Variants in TAFA1 observed in about 807,000 individuals in gnomAD.
TAFA1 encodes the protein TAFA chemokine like family member 1, also known as chemokine-like protein TAFA-1.
Under a neutral mutation model 18.5 loss-of-function variants are expected in TAFA1, and 4 were observed. The observed-to-expected ratio is 0.22, with a 90% CI of 0.11 to 0.49. TAFA1 has a LOEUF of 0.49. Ranked by LOEUF, TAFA1 falls within the 20% of genes least tolerant of loss-of-function variation. The probability of loss-of-function intolerance (pLI) is 0.98; values close to 1 mark genes in which losing one functional copy is unlikely to be tolerated. For missense variants in TAFA1, 147 were observed against 169.0 expected (o/e 0.87, Z 0.72); for synonymous variants, 56 against 55.2 (o/e 1.01, Z -0.06).
chr3:68,363,268 G>C (rs888283470), intron 2 of TAFA1, among the ~76,000 whole-genome samples: 2 of 152,106 alleles, frequency 1.3e-5, no homozygotes, highest in East Asian at 3.9e-4. Flanking sequence ...GAATGAATGA[G>C]AGCGGCACAC....
chr3:68,523,223 C>T (rs2073054611), intron 3 of TAFA1, among the ~76,000 whole-genome samples: 1 of 152,210 alleles, frequency 6.6e-6, no homozygotes, highest in South Asian at 2.1e-4. Context: ...AAACACTGCT[C>T]AGTTGTTTTT....
At chr3:68,022,850 ATAT>A (rs1704725744) in intron 2 of TAFA1, among the ~76,000 whole-genome samples, 1 of 143,432 alleles carries the variant, frequency 7.0e-6, no homozygotes, top group South Asian at 2.1e-4. Context: ...TATTATATAT[ATAT>A]ATATATAAAA....
chr3:68,468,967 T>G (rs2071940624), intron 3 of TAFA1, among the ~76,000 whole-genome samples: 1 of 152,146 alleles, frequency 6.6e-6, no homozygotes, highest in African/African-American at 2.4e-5. Flanking sequence ...TCAAAGTGGT[T>G]GGTTCATTGG....
chr3:68,303,030 T>C (rs1336879575), intron 2 of TAFA1, among the ~76,000 whole-genome samples: 4 of 152,170 alleles, frequency 2.6e-5, no homozygotes, highest in African/African-American at 9.7e-5. Context: ...GATGACTACA[T>C]ATTTTTTTCA....
chr3:68,253,123 C>G (rs184504675), intron 2 of TAFA1, among the ~76,000 whole-genome samples: 1 of 152,240 alleles, frequency 6.6e-6, no homozygotes, highest in East Asian at 1.9e-4. Context: ...CCGACTAATA[C>G]AGTAGGTAAT....
At chr3:68,091,173 A>G (rs777772786) in intron 2 of TAFA1, among the ~76,000 whole-genome samples, 19 of 152,226 alleles carry the variant, frequency 1.2e-4, no homozygotes, top group Non-Finnish European at 2.2e-4. Context: ...CTTTCTTTTC[A>G]TCACCAAGGA....
At chr3:68,519,817 C>T (rs544115191) in intron 3 of TAFA1, among the ~76,000 whole-genome samples, 1 of 152,302 alleles carries the variant, frequency 6.6e-6, no homozygotes, top group Admixed American at 6.5e-5. Context: ...CGAATTACCT[C>T]CCAAACACCC....
chr3:68,524,837 A>AT (rs1470913272), intron 3 of TAFA1, among the ~76,000 whole-genome samples: 1 of 151,644 alleles, frequency 6.6e-6, no homozygotes, highest in African/African-American at 2.4e-5. Flanking sequence ...CCCCCTGCTA[A>AT]TTTTTTTGTA....
chr3:68,524,431 G>T lies in TAFA1; in HGVS notation c.260-14325G>T, dbSNP rs906669009. On this transcript the variant is annotated intron_variant, in intron 3 of 4. Coordinates refer to ENST00000478136, the MANE Select transcript of TAFA1 (RefSeq NM_213609.4). ...AGGCAAAGTCAGTGCACAGAGGCAG[G>T]TGTAGAAGAGGAAGCATTTGTAATT... Among the ~76,000 whole-genome samples, 8 of 152,140 alleles carry T rather than the reference G, an allele frequency of 5.3e-5. No homozygotes were observed. In the East Asian group the frequency reaches 1.5e-3, roughly 29 times the overall value.
chr3:68,335,673 T>C (rs2068958524), intron 2 of TAFA1, among the ~76,000 whole-genome samples: 1 of 152,190 alleles, frequency 6.6e-6, no homozygotes. Context: ...TATAATCATA[T>C]CCCAACTTTG....
At position 68,530,690 on chromosome 3, in the gene TAFA1, G is replaced by A. The variant is rs1208521746; in HGVS notation, c.260-8066G>A. ...GCATCTACCTCACAAGTTTCTCATG[G>A]CTTCGAAAATGGTTCACTTGTGGGA... On this transcript the variant is annotated intron_variant, in intron 3 of 4. Coordinates refer to ENST00000478136, the MANE Select transcript of TAFA1 (RefSeq NM_213609.4). Among the ~76,000 whole-genome samples, 3 of 152,062 alleles carry A rather than the reference G, an allele frequency of 2.0e-5. No homozygotes were observed. The East Asian group carries it at 5.8e-4, about 29-fold the overall frequency.
intron 2 of TAFA1, among the ~76,000 whole-genome samples, chr3:68,071,096 T>C (rs2064749204): frequency 6.6e-6 from 1 of 152,232 alleles, no homozygotes. Flanking sequence ...CTGGTCCCAA[T>C]TTACTGTATT....
At chr3:68,001,091 G>A (rs1242082571), upstream of TAFA1, among the ~76,000 whole-genome samples, 2 of 152,118 alleles carry the variant, frequency 1.3e-5, no homozygotes, top group East Asian at 1.9e-4. Flanking sequence ...AAAAAAAAGA[G>A]ACTACTTTGT....
intron 3 of TAFA1, among the ~76,000 whole-genome samples, chr3:68,518,307 C>A (rs2072958597): frequency 1.3e-5 from 2 of 151,798 alleles, no homozygotes; most frequent in Admixed American, 1.3e-4. Flanking sequence ...TTTTTTGGCA[C>A]AGAGCCTGAT....
intron 2 of TAFA1, among the ~76,000 whole-genome samples, chr3:68,076,961 C>T (rs1290512817): frequency 6.6e-6 from 1 of 152,132 alleles, no homozygotes; most frequent in Admixed American, 6.5e-5. Flanking sequence ...ACATCCTCTC[C>T]AGCACCTGTT....
chr3:68,485,089 G>C (rs2072311938), intron 3 of TAFA1, among the ~76,000 whole-genome samples: 1 of 152,070 alleles, frequency 6.6e-6, no homozygotes, highest in Non-Finnish European at 1.5e-5. Flanking sequence ...GCAATGAAAA[G>C]GTTCATGGGT....
intron 2 of TAFA1, among the ~76,000 whole-genome samples, chr3:68,112,933 A>G (rs1559524913): frequency 6.6e-6 from 1 of 152,198 alleles, no homozygotes; most frequent in Non-Finnish European, 1.5e-5. Flanking sequence ...ATAAATATAT[A>G]TTATATTCAT....
At chr3:68,373,289 AT>A (rs1460091914) in intron 2 of TAFA1, among the ~76,000 whole-genome samples, 1 of 152,234 alleles carries the variant, frequency 6.6e-6, no homozygotes, top group Non-Finnish European at 1.5e-5. Context: ...TTTTAATTCT[AT>A]AAGGGAAGAA....
chr3:68,522,098 C>G (rs1044709786), intron 3 of TAFA1, among the ~76,000 whole-genome samples: 4 of 151,964 alleles, frequency 2.6e-5, no homozygotes, highest in South Asian at 2.1e-4. Flanking sequence ...CCTCCCACCT[C>G]AGCTTCCCAA....
Sources: allele counts gnomAD v4.1 joint callset (sites outside exome capture counted in the v4.1 genomes callset), GRCh38; gene constraint gnomAD v4.1.1; transcripts MANE v1.5; gene names NCBI Gene and HGNC (gene_info 2026-07-23, HGNC 2026-07-21).